The following KSR2 variants were observed in gnomAD, a reference collection of about 807,000 sequenced individuals.
KSR2 encodes the protein kinase suppressor of ras 2.
In KSR2, 25 loss-of-function variants were observed where a neutral mutation model predicts 107.8. That is an observed-to-expected ratio of 0.23 (90% CI 0.17 to 0.32). The LOEUF (loss-of-function observed/expected upper bound fraction) is 0.32, where lower values mean the gene tolerates loss of function less well. KSR2 is among the 10% of genes least tolerant of loss of function. KSR2 has a pLI of 1.00. For missense variants in KSR2, 887 were observed against 1,268.9 expected (o/e 0.70, Z 4.57); for synonymous variants, 480 against 507.0 (o/e 0.95, Z 0.71).
At chr12:117,613,696 A>T (rs537390198) in intron 5 of KSR2, among the ~76,000 whole-genome samples, 1 of 152,184 alleles carries the variant, frequency 6.6e-6, no homozygotes, top group South Asian at 2.1e-4. Context: ...CCTCTCTTCA[A>T]TGGACTATTC....
chr12:117,658,370 T>A (rs1884276484), intron 5 of KSR2, among the ~76,000 whole-genome samples: 1 of 152,114 alleles, frequency 6.6e-6, no homozygotes, highest in Non-Finnish European at 1.5e-5. Flanking sequence ...GTGGTGATGA[T>A]GGAGGAGGAG....
chr12:117,724,186 C>T (rs1185339047), intron 4 of KSR2, among the ~76,000 whole-genome samples: 1 of 151,668 alleles, frequency 6.6e-6, no homozygotes, highest in Non-Finnish European at 1.5e-5. Flanking sequence ...TGTGTGCCTG[C>T]AGTCCCAACT....
chr12:117,687,107 C>T (rs981909333), intron 4 of KSR2, among the ~76,000 whole-genome samples: 1 of 152,200 alleles, frequency 6.6e-6, no homozygotes, highest in Non-Finnish European at 1.5e-5. Context: ...TTCTGTGATG[C>T]TGCTCCCTCT....
At chr12:117,575,545 C>T (rs1194067818) in intron 7 of KSR2, among the ~76,000 whole-genome samples, 2 of 152,150 alleles carry the variant, frequency 1.3e-5, no homozygotes, top group Non-Finnish European at 2.9e-5. Context: ...TATAAATAAC[C>T]CTCTATCCTC....
At chr12:117,585,793 T>C (rs1377120991) in intron 5 of KSR2, among the ~76,000 whole-genome samples, 1 of 152,256 alleles carries the variant, frequency 6.6e-6, no homozygotes, top group Non-Finnish European at 1.5e-5. Flanking sequence ...TTTTCTACTC[T>C]AATTTTCTGA....
At chr12:117,792,286 G>T (rs1296024141) in intron 3 of KSR2, among the ~76,000 whole-genome samples, 1 of 152,118 alleles carries the variant, frequency 6.6e-6, no homozygotes, top group South Asian at 2.1e-4. Context: ...GGAGGTCGAG[G>T]CTGCAGTGAG....
chr12:117,704,865 A>C (rs1452519660), intron 4 of KSR2, among the ~76,000 whole-genome samples: 1 of 151,968 alleles, frequency 6.6e-6, no homozygotes, highest in Non-Finnish European at 1.5e-5. Flanking sequence ...TCTCAAAAAA[A>C]AAAAAAAGTA....
chr12:117,610,747 A>AC (rs1881548659), intron 5 of KSR2, among the ~76,000 whole-genome samples: 1 of 151,624 alleles, frequency 6.6e-6, no homozygotes, highest in Non-Finnish European at 1.5e-5. Context: ...TCAAAAAAAA[A>AC]AAAAAAAACA....
chr12:117,920,963 A>G (rs937696681), intron 1 of KSR2, among the ~76,000 whole-genome samples: 4 of 152,192 alleles, frequency 2.6e-5, no homozygotes, highest in African/African-American at 9.6e-5. Context: ...AATTACAGCT[A>G]TCTGCATACG....
chr12:117,919,769 T>G (rs932159703), intron 1 of KSR2, among the ~76,000 whole-genome samples: 2 of 152,248 alleles, frequency 1.3e-5, no homozygotes, highest in African/African-American at 4.8e-5. Context: ...CGCCTTTCTC[T>G]GCCTTGGCAA....
intron 3 of KSR2, among the ~76,000 whole-genome samples, chr12:117,843,129 A>G (rs1052747386): frequency 4.6e-5 from 7 of 152,206 alleles, no homozygotes; most frequent in African/African-American, 1.7e-4. Flanking sequence ...CTTTCCTTGC[A>G]ACAACTCCAT....
chr12:117,765,780 G>A (rs1406122508), intron 3 of KSR2, among the ~76,000 whole-genome samples: 1 of 152,126 alleles, frequency 6.6e-6, no homozygotes, highest in Admixed American at 6.5e-5. Context: ...AGGATGAGGA[G>A]GTGACAGTGG....
chr12:117,543,323 A>G (rs1268255803), intron 9 of KSR2, among the ~76,000 whole-genome samples: 2 of 152,088 alleles, frequency 1.3e-5, no homozygotes, highest in Non-Finnish European at 2.9e-5. Context: ...TTCTAATTGG[A>G]GTGTAGTGAT....
chr12:117,573,161 G>C (rs184097249), intron 7 of KSR2, among the ~76,000 whole-genome samples: 2 of 152,116 alleles, frequency 1.3e-5, no homozygotes. Flanking sequence ...TGATAATTCC[G>C]GAGGAAGTGG....
intron 4 of KSR2, among the ~76,000 whole-genome samples, chr12:117,719,805 T>A (rs1887135574): frequency 6.6e-6 from 1 of 152,246 alleles, no homozygotes; most frequent in African/African-American, 2.4e-5. Context: ...AAGATGACCC[T>A]TCTAAGCCTC....
chr12:117,493,956 CA>C (rs1872881345), intron 14 of KSR2, among the ~76,000 whole-genome samples: 1 of 152,186 alleles, frequency 6.6e-6, no homozygotes, highest in Admixed American at 6.5e-5. Context: ...GAGGCCTCCC[CA>C]GCCATAGGGA....
chr12:117,837,033 G>A (rs1363981135), intron 3 of KSR2, among the ~76,000 whole-genome samples: 1 of 152,196 alleles, frequency 6.6e-6, no homozygotes, highest in African/African-American at 2.4e-5. Flanking sequence ...TGGTCTTGCA[G>A]TGTGGCAGGG....
At chr12:117,468,934 G>A (rs1318278968) in intron 19 of KSR2, among the ~76,000 whole-genome samples, 1 of 152,202 alleles carries the variant, frequency 6.6e-6, no homozygotes, top group African/African-American at 2.4e-5. Context: ...ACCTGAGAGT[G>A]TCTGTGTGAG....
intron 2 of KSR2, among the ~76,000 whole-genome samples, chr12:117,858,851 C>T (rs772202735): frequency 1.9e-4 from 29 of 152,272 alleles, no homozygotes; most frequent in Admixed American, 5.2e-4. Context: ...AAGGTCATTG[C>T]GAGGAGGCTG....
Sources: gnomAD v4.1 joint callset for allele counts (sites outside exome capture counted in the v4.1 genomes callset) on GRCh38, gnomAD v4.1.1 for gene constraint, MANE v1.5 for transcripts, NCBI Gene and HGNC (gene_info 2026-07-23, HGNC 2026-07-21) for gene names.